The following AOAH variants were observed in gnomAD, a reference collection of about 807,000 sequenced individuals.
AOAH encodes acyloxyacyl hydrolase (neutrophil).
A neutral mutation model predicts 92.2 loss-of-function variants in AOAH; 64 were observed. That is an observed-to-expected ratio of 0.69 (90% CI 0.57 to 0.86). The LOEUF (loss-of-function observed/expected upper bound fraction) is 0.86. AOAH is among the 40% of genes least tolerant of loss of function. The pLI is 0.00. For synonymous variants in AOAH, 263 were observed against 254.5 expected, an observed-to-expected ratio of 1.03 and a Z score of -0.32; for missense variants, 656 against 694.6, an observed-to-expected ratio of 0.94 and a Z score of 0.62.
chr7:36,563,220 A>G (rs947970425), intron 13 of AOAH, among the ~76,000 whole-genome samples: 4 of 150,190 alleles, frequency 2.7e-5, no homozygotes, highest in African/African-American at 9.8e-5. Context: ...CTGGGACCAC[A>G]ACTATTCCAG....
intron 4 of AOAH, among the ~76,000 whole-genome samples, chr7:36,650,665 G>A (rs1443701554): frequency 6.6e-6 from 1 of 152,170 alleles, no homozygotes; most frequent in African/African-American, 2.4e-5. Flanking sequence ...CAAAGAAGCC[G>A]AATGCTTTGA....
intron 11 of AOAH, among the ~76,000 whole-genome samples, chr7:36,600,868 CG>C (rs2115664466): frequency 6.6e-6 from 1 of 152,270 alleles, no homozygotes; most frequent in African/African-American, 2.4e-5. Context: ...TGAGAGCTGC[CG>C]CCATCTTTTC....
intron 4 of AOAH, among the ~76,000 whole-genome samples, chr7:36,639,089 G>A (rs1420732550): frequency 6.6e-6 from 1 of 152,210 alleles, no homozygotes; most frequent in Non-Finnish European, 1.5e-5. Flanking sequence ...CAAAAGAGCT[G>A]ATCCCAATCT....
intron 13 of AOAH, among the ~76,000 whole-genome samples, chr7:36,568,287 G>T (rs979606690): frequency 2.6e-5 from 4 of 152,200 alleles, no homozygotes; most frequent in Non-Finnish European, 5.9e-5. Context: ...CAGGGAGCGG[G>T]AGATACCTTT....
chr7:36,714,204 C>T (rs558137191), intron 1 of AOAH, among the ~76,000 whole-genome samples: 26 of 152,264 alleles, frequency 1.7e-4, no homozygotes, highest in African/African-American at 4.1e-4. Flanking sequence ...AACACCTCTA[C>T]GCAAATAAAC....
chr7:36,555,720 G>A (rs1038670394), intron 13 of AOAH, among the ~76,000 whole-genome samples: 6 of 152,252 alleles, frequency 3.9e-5, no homozygotes, highest in African/African-American at 7.2e-5. Context: ...TTGGGAGAGC[G>A]TATGTGTCAA....
intron 15 of AOAH, among the ~76,000 whole-genome samples, chr7:36,543,383 G>A (rs1785556283): frequency 6.6e-6 from 1 of 152,110 alleles, no homozygotes; most frequent in Non-Finnish European, 1.5e-5. Flanking sequence ...AGGCAAGTTG[G>A]GTGTCTATAT....
At chr7:36,701,243 C>T (rs2116890637) in intron 1 of AOAH, among the ~76,000 whole-genome samples, 1 of 151,858 alleles carries the variant, frequency 6.6e-6, no homozygotes, top group Admixed American at 6.6e-5. Flanking sequence ...GAGAATGGTC[C>T]ATGAATACTT....
intron 2 of AOAH, among the ~76,000 whole-genome samples, chr7:36,677,169 T>A (rs1584094003): frequency 6.6e-6 from 1 of 151,848 alleles, no homozygotes; most frequent in East Asian, 1.9e-4. Flanking sequence ...TGGGAGAAAA[T>A]TTTTGCCAAT....
chr7:36,610,723 G>T (rs1211246170), intron 11 of AOAH, among the ~76,000 whole-genome samples: 1 of 152,192 alleles, frequency 6.6e-6, no homozygotes, highest in Non-Finnish European at 1.5e-5. Context: ...ACTCTGGGCA[G>T]TCATGCCTCC....
At chr7:36,677,234 CA>C (rs1297628542) in intron 2 of AOAH, among the ~76,000 whole-genome samples, 1 of 152,058 alleles carries the variant, frequency 6.6e-6, no homozygotes, top group African/African-American at 2.4e-5. Context: ...TATTACAACT[CA>C]ATAATAAAAA....
chr7:36,633,947 C>G (rs145664045), intron 5 of AOAH, among the ~76,000 whole-genome samples: 1 of 152,296 alleles, frequency 6.6e-6, no homozygotes, highest in African/African-American at 2.4e-5. Flanking sequence ...CCGCACAAAT[C>G]TGCCTCCAGA....
chr7:36,663,041 C>T (rs956573076), intron 3 of AOAH, among the ~76,000 whole-genome samples: 1 of 152,170 alleles, frequency 6.6e-6, no homozygotes, highest in Non-Finnish European at 1.5e-5. Flanking sequence ...CTAAACTACG[C>T]CTCATTTGCT....
intron 12 of AOAH, among the ~76,000 whole-genome samples, chr7:36,585,277 A>T (rs1264965380): frequency 6.6e-6 from 1 of 152,110 alleles, no homozygotes; most frequent in Non-Finnish European, 1.5e-5. Flanking sequence ...AGATGCTCAA[A>T]CTCACTAGTA....
At chr7:36,596,789 C>G (rs1368165553) in intron 11 of AOAH, among the ~76,000 whole-genome samples, 1 of 152,082 alleles carries the variant, frequency 6.6e-6, no homozygotes, top group Non-Finnish European at 1.5e-5. Flanking sequence ...TTTCAGCCAC[C>G]CAGCTTGTGG....
In AOAH at chr7:36,602,329, A is replaced by ATGAT. The variant is rs1166209971; in HGVS notation, c.847-7903_847-7900dup. On this transcript the variant is annotated intron_variant, in intron 11 of 20. Coordinates refer to ENST00000617537, the MANE Select transcript of AOAH (RefSeq NM_001637.4). ...TATTTATTACTTAAGCTCTAACCCT[A>ATGAT]TGATTTATTTATTCAATGAATGAGT... 4.0e-5 allele frequency among the ~76,000 whole-genome samples: 6 copies of ATGAT among 151,874 alleles called. No individual in the cohort carries two copies. The East Asian group carries it at 1.2e-3, about 29-fold the overall frequency.
chr7:36,612,123 G>A (rs17170649), intron 11 of AOAH, among the ~76,000 whole-genome samples: 4,385 of 152,140 alleles, frequency 0.029, 216 homozygotes, highest in African/African-American at 0.098. Flanking sequence ...CCAAGATCTT[G>A]AGCCACAATA....
chr7:36,548,700 G>T lies in AOAH; in HGVS notation c.1059-14C>A. ...TTTCTAGACAAGCTGAGAAGGCATAGATGGAATCTGAATGTCAGATACTTG... is the reference window on the plus strand; with the variant it reads ...TTTCTAGACAAGCTGAGAAGGCATATATGGAATCTGAATGTCAGATACTTG... On this transcript the variant is annotated splice_polypyrimidine_tract_variant and intron_variant, in intron 14 of 20. Transcript: ENST00000617537. 2 of 1,609,032 alleles carry T rather than the reference G, an allele frequency of 1.2e-6. No homozygotes were observed. The highest frequency in any genetic ancestry group is 2.7e-5 in the African/African-American group (2 of 74,912).
intron 11 of AOAH, chr7:36,597,983 CA>C (rs34366087): frequency 0.37 from 55,941 of 151,842 alleles, 10,947 homozygotes; most frequent in African/African-American, 0.5. Flanking sequence ...CATTCTCGGT[CA>C]GGGGTGGGTG....
Sources: gnomAD v4.1 joint callset for allele counts (sites outside exome capture counted in the v4.1 genomes callset) on GRCh38, gnomAD v4.1.1 for gene constraint, MANE v1.5 for transcripts, NCBI Gene and HGNC (gene_info 2026-07-23, HGNC 2026-07-21) for gene names.